The following RNF10 variants were observed in gnomAD, a reference collection of about 807,000 sequenced individuals.
The protein encoded by RNF10 is E3 ubiquitin-protein ligase RNF10.
Under a neutral mutation model 91.4 loss-of-function variants are expected in RNF10, and 38 were observed. That is an observed-to-expected ratio of 0.42 (90% CI 0.32 to 0.54). The LOEUF (loss-of-function observed/expected upper bound fraction) is 0.54. Among genes scored for constraint, RNF10 ranks in the 20% least tolerant of loss-of-function variants. RNF10 has a pLI of 0.16. For missense variants in RNF10, 945 were observed against 1,012.0 expected (o/e 0.93, Z 0.90); for synonymous variants, 364 against 366.3 (o/e 0.99, Z 0.07).
chr12:120,544,691 T>TTA (rs1456160998), intron 1 of RNF10, among the ~76,000 whole-genome samples: 2 of 152,130 alleles, frequency 1.3e-5, no homozygotes, highest in Non-Finnish European at 2.9e-5. Flanking sequence ...TATTATGTTG[T>TTA]TAGAGTATAA....
intron 13 of RNF10, 28 bp downstream of exon 13, chr12:120,567,008 C>T (rs1310834458): frequency 6.3e-7 from 1 of 1,592,440 alleles, no homozygotes; most frequent in Non-Finnish European, 8.5e-7. Flanking sequence ...AATGAATTCA[C>T]CCATCAGTTA....
At position 120,565,400 on chromosome 12, in the gene RNF10, A is replaced by G. The variant is rs772317730; in HGVS notation, c.1784-28A>G. 1.9e-6 allele frequency: 3 copies of G among 1,604,438 alleles called. No individual in the cohort carries two copies. The South Asian group carries it at 3.3e-5, about 18-fold the overall frequency. On this transcript the variant is annotated intron_variant, in intron 11 of 16. Transcript: ENST00000325954. ...GTAATGACCATGTTGTCCTGGGTCT[A>G]CCTCTTTACAACCTGACCAATCTGC...
intron 1 of RNF10, among the ~76,000 whole-genome samples, chr12:120,538,919 A>T (rs749286782): frequency 3.3e-5 from 5 of 152,164 alleles, no homozygotes; most frequent in Non-Finnish European, 5.9e-5. Context: ...GGAGATTTTA[A>T]TGGCTTTGAA....
chr12:120,574,577 A>C (rs1877124358), intron 14 of RNF10: 2 of 455,598 alleles, frequency 4.4e-6, no homozygotes, highest in African/African-American at 4.0e-5. Context: ...GAGAGAGTTT[A>C]GTTAGTTTTC....
At chr12:120,546,331 TGGGA>T in intron 1 of RNF10, 70 bp from the exon 2 acceptor site, 1 of 1,395,576 alleles carries the variant, frequency 7.2e-7, no homozygotes, top group South Asian at 1.3e-5. Flanking sequence ...TATTTTTTGC[TGGGA>T]GGTGGAGGGC....
rs1565947471 is a variant in RNF10 at position 120,545,394 on chromosome 12, G to A, written c.158-1011G>A. Among the ~76,000 whole-genome samples the A allele has an allele frequency of 2.8e-5, 4 of 144,248 alleles. No individual in the cohort carries two copies. The South Asian group carries it at 8.8e-4, about 32-fold the overall frequency. 94.6% of individuals were successfully genotyped at this position (144,248 alleles called of 152,430 possible). A position where few individuals can be genotyped will look rare whatever the true frequency, so the allele number is the denominator to read the frequency against. On this transcript the variant is annotated intron_variant, in intron 1 of 16. Transcript: ENST00000325954. ...TTTTTAGTAGAGACAGGATTTCACTGTGTTAGCCAGGATGGTCTCAATCTC... is the reference window on the plus strand; with the variant it reads ...TTTTTAGTAGAGACAGGATTTCACTATGTTAGCCAGGATGGTCTCAATCTC...
intron 1 of RNF10, among the ~76,000 whole-genome samples, chr12:120,540,345 G>T (rs1321045992): frequency 6.6e-6 from 1 of 152,090 alleles, no homozygotes; most frequent in Non-Finnish European, 1.5e-5. Flanking sequence ...TGATTCTGGT[G>T]TGCAGCCAGG....
chr12:120,564,482 G>C (rs568920230), intron 10 of RNF10, among the ~76,000 whole-genome samples: 1 of 152,104 alleles, frequency 6.6e-6, no homozygotes, highest in Non-Finnish European at 1.5e-5. Context: ...AAAATTAGCT[G>C]GGTATGATGA....
At chr12:120,563,111 A>G (rs1460323483) in intron 8 of RNF10, 41 bp downstream of exon 8, 1 of 1,613,216 alleles carries the variant, frequency 6.2e-7, no homozygotes. Flanking sequence ...CGTTCCTCAA[A>G]TGCTGTCATT....
intron 14 of RNF10, 30 bp from the exon 15 acceptor site, chr12:120,575,601 C>A (rs758451315): frequency 1.2e-6 from 2 of 1,613,688 alleles, no homozygotes; most frequent in African/African-American, 1.3e-5. Flanking sequence ...TACTTAAATT[C>A]TCTCCCCCAC....
intron 10 of RNF10, 46 bp downstream of exon 10, chr12:120,563,989 C>G (rs200067824): frequency 2.5e-6 from 4 of 1,610,922 alleles, no homozygotes; most frequent in Non-Finnish European, 3.4e-6. Flanking sequence ...CAGTATTAAC[C>G]TAATCTCTTT....
intron 1 of RNF10, chr12:120,539,458 C>G: frequency 3.1e-6 from 4 of 1,283,496 alleles, no homozygotes; most frequent in South Asian, 1.2e-5. Flanking sequence ...GTCAACTACT[C>G]TGGATGATGG....
chr12:120,563,415 T>C lies in RNF10; in HGVS notation c.1323T>C (p.Ser441=). ...TTEVCSLDTP[S]RPLALPLVEE... is the part of the protein sequence containing the mutation. ...AAGTTTGTTCTCTGGACACTCCTTC[T>C]AGACCTCTTGCTCTCCCTCTGGTAG... is the stretch of plus-strand genomic sequence containing the variant. Residue 441 remains serine (S), a synonymous_variant, in exon 9 of 17, where the codon TCT becomes TCC. Transcript: ENST00000325954. 4 of 1,614,154 alleles carry C rather than the reference T, an allele frequency of 2.5e-6. No individual in the cohort carries two copies. The highest frequency in any genetic ancestry group is 3.4e-6 in the Non-Finnish European group (4 of 1,180,020).
intron 1 of RNF10, among the ~76,000 whole-genome samples, chr12:120,538,451 C>T (rs1410354157): frequency 6.6e-6 from 1 of 152,132 alleles, no homozygotes; most frequent in Admixed American, 6.5e-5. Flanking sequence ...CGGCTAGAGT[C>T]GCATACCACA....
chr12:120,575,957 G>T lies in RNF10; in HGVS notation c.2359+7G>T. The T allele has an allele frequency of 6.2e-7, 1 of 1,613,152 alleles. No homozygotes were observed. The highest frequency in any genetic ancestry group is 1.3e-5 in the African/African-American group (1 of 75,002). Reference sequence around the variant, plus strand: ...ACTTCAGATCCCCTCTCTGGTAAGGGCAGAGGCTGGAGTGCCCAGGGTTGT... The same window carrying T: ...ACTTCAGATCCCCTCTCTGGTAAGGTCAGAGGCTGGAGTGCCCAGGGTTGT... On this transcript the variant is annotated splice_region_variant and intron_variant, in intron 16 of 16. Coordinates refer to ENST00000325954, the MANE Select transcript of RNF10 (RefSeq NM_014868.5).
chr12:120,555,740 C>T (rs1442476125), intron 4 of RNF10, among the ~76,000 whole-genome samples: 1 of 151,934 alleles, frequency 6.6e-6, no homozygotes, highest in East Asian at 1.9e-4. Context: ...AGGTGATCCT[C>T]CCGACTTGGC....
intron 2 of RNF10, 147 bp downstream of exon 2, chr12:120,546,748 C>T (rs1447867464): frequency 4.9e-6 from 3 of 616,254 alleles, no homozygotes; most frequent in African/African-American, 1.9e-5. Context: ...AGAGGGTTAA[C>T]CAGGTTTGAA....
intron 1 of RNF10, among the ~76,000 whole-genome samples, chr12:120,540,980 G>A (rs1266057630): frequency 2.6e-5 from 4 of 151,380 alleles, no homozygotes; most frequent in Admixed American, 6.6e-5. Flanking sequence ...CTCAGCCCCC[G>A]GAGTAGCTGG....
chr12:120,556,718 C>T (rs889610575), intron 4 of RNF10, among the ~76,000 whole-genome samples: 3 of 151,822 alleles, frequency 2.0e-5, no homozygotes, highest in African/African-American at 7.3e-5. Context: ...TTTATGCATA[C>T]ATATTAAGTT....
Sources: allele counts gnomAD v4.1 joint callset (sites outside exome capture counted in the v4.1 genomes callset), GRCh38; gene constraint gnomAD v4.1.1; transcripts MANE v1.5; gene names NCBI Gene and HGNC (gene_info 2026-07-23, HGNC 2026-07-21).